Variants in KLHL24 observed in about 807,000 individuals in gnomAD.
KLHL24 encodes kelch-like protein 24.
Under a neutral mutation model 53.4 loss-of-function variants are expected in KLHL24, and 29 were observed. That is an observed-to-expected ratio of 0.54 (90% confidence interval 0.40 to 0.74). The LOEUF (loss-of-function observed/expected upper bound fraction) is 0.74. Among genes scored for constraint, KLHL24 ranks in the 30% least tolerant of loss-of-function variants. The pLI is 0.00. For missense variants in KLHL24, 504 were observed against 744.0 expected (o/e 0.68, Z 3.75); for synonymous variants, 222 against 253.7 (o/e 0.88, Z 1.19).
Position 183,672,415 on chromosome 3 carries a change from C to G in KLHL24, c.1533C>G (p.Thr511=). The stretch of plus-strand genomic sequence containing the variant: ...TGATCTATGTTGCCGGTGGACTGAC[C>G]AAGGCAATATACTGTTACGATCCAG... The part of the protein sequence containing the change: ...NNLIYVAGGL[T]KAIYCYDPVE... Residue 511 remains threonine (T), a synonymous_variant, in exon 7 of 8, where the codon ACC becomes ACG. Coordinates refer to ENST00000242810, the MANE Select transcript of KLHL24 (RefSeq NM_017644.3). 6.2e-7 allele frequency: 1 copy of G among 1,613,434 alleles called. No homozygotes were observed. Among genetic ancestry groups the G allele is most frequent in the Non-Finnish European group, 8.5e-7 (1 of 1,179,754 alleles).
intron 1 of KLHL24, among the ~76,000 whole-genome samples, chr3:183,638,677 T>C (rs1715778192): frequency 6.6e-6 from 1 of 152,246 alleles, no homozygotes; most frequent in South Asian, 2.1e-4. Context: ...AGTGCTTGCC[T>C]GTCATCCCAG....
intron 3 of KLHL24, among the ~76,000 whole-genome samples, chr3:183,655,402 G>T (rs893874668): frequency 1.3e-5 from 2 of 152,148 alleles, no homozygotes; most frequent in African/African-American, 4.8e-5. Flanking sequence ...AAGGCATGGG[G>T]GTTGCTTGAG....
intron 7 of KLHL24, among the ~76,000 whole-genome samples, chr3:183,676,104 C>A (rs1711805370): frequency 6.6e-6 from 1 of 152,098 alleles, no homozygotes; most frequent in Non-Finnish European, 1.5e-5. Flanking sequence ...TGATTATTTT[C>A]TCTCCTCTGT....
chr3:183,679,394 T>A lies in KLHL24; in HGVS notation c.*108T>A. 1 of 701,554 alleles carries A rather than the reference T, an allele frequency of 1.4e-6. No homozygotes were observed. The highest frequency in any genetic ancestry group is 2.4e-6 in the Non-Finnish European group (1 of 423,320). 43.5% of individuals were successfully genotyped at this position (701,554 alleles called of 1,614,324 possible). A position where few individuals can be genotyped will look rare whatever the true frequency, so the allele number is the denominator to read the frequency against. On this transcript the variant is annotated 3_prime_UTR_variant, in exon 8 of 8. Transcript: ENST00000242810. ...CCTTTGTGCCATATGCAAAAAATAG[T>A]AAAAATAATAATTTGGTGCCTTTCT...
chr3:183,660,989 C>G lies in KLHL24; in HGVS notation c.921-2469C>G, dbSNP rs1341142484. Reference sequence around the variant, plus strand: ...CTGAGGCAGGAGAATGGCGTGAACCCGGGAGGCGGAGCTTGCAGTGAGCCG... The same window carrying G: ...CTGAGGCAGGAGAATGGCGTGAACCGGGGAGGCGGAGCTTGCAGTGAGCCG... On this transcript the variant is annotated intron_variant, in intron 3 of 7. Coordinates refer to ENST00000242810, the MANE Select transcript of KLHL24 (RefSeq NM_017644.3). Among the ~76,000 whole-genome samples the G allele has an allele frequency of 2.2e-5, 3 of 133,506 alleles. 1 individual carries two copies. Among genetic ancestry groups the G allele is most frequent in the African/African-American group, 3.2e-5 (1 of 31,574 alleles). 87.6% of individuals were successfully genotyped at this position (133,506 alleles called of 152,430 possible).
intron 1 of KLHL24, among the ~76,000 whole-genome samples, chr3:183,639,629 CAAAAAAA>C (rs767908911): frequency 7.6e-5 from 3 of 39,480 alleles, no homozygotes; most frequent in Non-Finnish European, 1.5e-4. Flanking sequence ...GACTCTGTCT[CAAAAAAA>C]AAAAAAAAAA....
At chr3:183,641,449 G>C (rs1716417278) in intron 1 of KLHL24, among the ~76,000 whole-genome samples, 1 of 141,602 alleles carries the variant, frequency 7.1e-6, no homozygotes, top group African/African-American at 2.7e-5. Flanking sequence ...CTGCACTCCA[G>C]CCTGGCAACA....
intron 5 of KLHL24, among the ~76,000 whole-genome samples, chr3:183,665,529 T>A (rs1720406416): frequency 1.3e-5 from 2 of 152,144 alleles, no homozygotes; most frequent in Non-Finnish European, 2.9e-5. Flanking sequence ...GGCGGGCAGA[T>A]CATGAGGTCA....
intron 7 of KLHL24, among the ~76,000 whole-genome samples, chr3:183,674,295 C>CTTTCTTTCTTTCTT (rs1553847676): frequency 1.4e-5 from 2 of 147,614 alleles, no homozygotes; most frequent in African/African-American, 2.5e-5. Flanking sequence ...TTCTTTCTTT[C>CTTTCTTTCTTTCTT]TTTCTTTCCT....
At chr3:183,664,435 A>G (rs1418147357) in intron 4 of KLHL24, among the ~76,000 whole-genome samples, 2 of 152,182 alleles carry the variant, frequency 1.3e-5, no homozygotes, top group African/African-American at 4.8e-5. Context: ...AAGTATAACT[A>G]TAGTATCTAT....
chr3:183,653,067 A>G (rs1405437509), intron 3 of KLHL24, among the ~76,000 whole-genome samples: 1 of 152,210 alleles, frequency 6.6e-6, no homozygotes, highest in African/African-American at 2.4e-5. Context: ...TAATTATTTG[A>G]TTTCCAAAAA....
Position 183,650,695 on chromosome 3 carries a change from A to G in KLHL24, c.339A>G (p.Leu113=), listed in dbSNP as rs750225886. Residue 113 remains leucine, a synonymous_variant, in exon 3 of 8, where the codon TTA becomes TTG. Coordinates refer to ENST00000242810, the MANE Select transcript of KLHL24 (RefSeq NM_017644.3). The surrounding 1 kb of genome is among the most constrained non-coding windows in gnomAD (Gnocchi z 4.5). ...TGTTGGTTGAGATCAATGGTATTTT[A>G]GCTGAAGCTATGGAATGTTTTTTGC... ...REMLVEINGI[L]AEAMECFLQY... 1.9e-6 allele frequency: 3 copies of G among 1,614,014 alleles called. No individual in the cohort carries two copies. Among genetic ancestry groups the G allele is most frequent in the Admixed American group, 1.7e-5 (1 of 60,034 alleles).
Position 183,639,426 on chromosome 3 carries a change from C to G in KLHL24, c.-125+3633C>G, listed in dbSNP as rs187726300. ...CGGGCAGATCACAAGGTCAGGAGATCAAGACCATCCTGGCTAACACGGAGA... is the reference window on the plus strand; with the variant it reads ...CGGGCAGATCACAAGGTCAGGAGATGAAGACCATCCTGGCTAACACGGAGA... On this transcript the variant is annotated intron_variant, in intron 1 of 7. Transcript: ENST00000242810. 1.2e-4 allele frequency among the ~76,000 whole-genome samples: 18 copies of G among 151,776 alleles called. 1 individual carries two copies. Among genetic ancestry groups the G allele is most frequent in the Middle Eastern group, 6.9e-3 (2 of 290 alleles).
rs60644366 is a variant in KLHL24 at position 183,684,147 on chromosome 3, T to TC, written c.*4861_*4862insC. 0.4 allele frequency: 60,880 copies of TC among 151,698 alleles called. 15,372 individuals are homozygous for TC. Among genetic ancestry groups the TC allele is most frequent in the African/African-American group, 0.72 (29,869 of 41,210 alleles). 9.4% of individuals were successfully genotyped at this position (151,698 alleles called of 1,614,324 possible). On this transcript the variant is annotated 3_prime_UTR_variant, in exon 8 of 8. Transcript: ENST00000242810. The stretch of plus-strand genomic sequence containing the variant: ...CTCTTCAGGCTTTTTCATTTACCTT[T>TC]TTGAAAAAGCACTTACTCTCCCCTT...
In KLHL24 at chr3:183,650,825, A is replaced by G; in HGVS notation, c.469A>G (p.Lys157Glu). ...QISVLRDACA[K>E]FLEEQLDPCN... ...TAGTGTTCTCCGTGATGCATGTGCC[A>G]AGTTCTTGGAGGAGCAACTTGATCC... Residue 157 changes from lysine to glutamate, a missense_variant, in exon 3 of 8, where the codon AAG (lysine) becomes GAG (glutamate). Physicochemically the swap from Lys to Glu is moderately conservative, Grantham distance 56 (BLOSUM62 1). Coordinates refer to ENST00000242810, the MANE Select transcript of KLHL24 (RefSeq NM_017644.3). This position sits in a 1 kb window ranked among gnomAD's most constrained non-coding sequence, Gnocchi z 4.5. The G allele has an allele frequency of 6.2e-7, 1 of 1,614,116 alleles. No individual in the cohort carries two copies. Among genetic ancestry groups the G allele is most frequent in the Non-Finnish European group, 8.5e-7 (1 of 1,180,026 alleles).
At chr3:183,652,577 G>A (rs1718270812) in intron 3 of KLHL24, among the ~76,000 whole-genome samples, 1 of 151,936 alleles carries the variant, frequency 6.6e-6, no homozygotes, top group African/African-American at 2.4e-5. Context: ...TTATTATTAA[G>A]CCATCTCCAT....
At chr3:183,652,139 T>G (rs1431063237) in intron 3 of KLHL24, among the ~76,000 whole-genome samples, 1 of 152,202 alleles carries the variant, frequency 6.6e-6, no homozygotes, top group Non-Finnish European at 1.5e-5. Context: ...TTAAAAAATC[T>G]TTTTTCTGAA....
At chr3:183,639,364 C>T (rs934018660) in intron 1 of KLHL24, among the ~76,000 whole-genome samples, 1 of 152,164 alleles carries the variant, frequency 6.6e-6, no homozygotes, top group East Asian at 1.9e-4. Flanking sequence ...GGCGCGGTGG[C>T]TCACGCCTGT....
At chr3:183,647,130 A>T (rs919012779) in intron 2 of KLHL24, among the ~76,000 whole-genome samples, 1 of 151,834 alleles carries the variant, frequency 6.6e-6, no homozygotes, top group Non-Finnish European at 1.5e-5. Flanking sequence ...CTCTTAAAAA[A>T]AAAAAAAAAG....
Sources: allele counts gnomAD v4.1 joint callset (sites outside exome capture counted in the v4.1 genomes callset), GRCh38; gene constraint gnomAD v4.1.1; non-coding constraint Gnocchi (gnomAD v3.1); transcripts MANE v1.5; gene names NCBI Gene and HGNC (gene_info 2026-07-23, HGNC 2026-07-21).